NRXN3: variants seen among roughly 807,000 people sequenced by gnomAD.
The protein encoded by NRXN3 is neurexin 3.
Under a neutral mutation model 137.6 loss-of-function variants are expected in NRXN3, and 32 were observed. The observed-to-expected ratio is 0.23, with a 90% confidence interval of 0.18 to 0.31. The LOEUF (loss-of-function observed/expected upper bound fraction) is 0.31, where lower values mean the gene tolerates loss of function less well. NRXN3 is among the 10% of genes least tolerant of loss of function. The pLI is 1.00. For synonymous variants in NRXN3, 798 were observed against 784.5 expected (o/e 1.02, Z -0.29); for missense variants, 1,574 against 2,062.5 (o/e 0.76, Z 4.59).
chr14:79,227,927 C>T (rs1230877393), intron 15 of NRXN3, among the ~76,000 whole-genome samples: 2 of 151,298 alleles, frequency 1.3e-5, no homozygotes, highest in Admixed American at 6.6e-5. Context: ...TCACATGTGA[C>T]AGTTAAAAAG....
intron 16 of NRXN3, among the ~76,000 whole-genome samples, chr14:79,586,115 GC>G (rs1204999262): frequency 2.0e-5 from 3 of 152,138 alleles, no homozygotes; most frequent in African/African-American, 7.2e-5. Context: ...CAAATACTTG[GC>G]ATTCTTTGTA....
chr14:78,962,307 C>T (rs1471034711), intron 11 of NRXN3, among the ~76,000 whole-genome samples: 1 of 152,048 alleles, frequency 6.6e-6, no homozygotes, highest in Non-Finnish European at 1.5e-5. Context: ...GTGATAATGA[C>T]ATTTCATAGT....
At chr14:79,195,594 A>G (rs1367724589) in intron 15 of NRXN3, among the ~76,000 whole-genome samples, 1 of 152,194 alleles carries the variant, frequency 6.6e-6, no homozygotes, top group East Asian at 1.9e-4. Context: ...CTTAGGACTC[A>G]GTCTTTACTC....
intron 10 of NRXN3, among the ~76,000 whole-genome samples, chr14:78,903,693 T>C (rs74069208): frequency 0.022 from 3,334 of 152,172 alleles, 123 homozygotes; most frequent in African/African-American, 0.074. Context: ...TTATTGACTT[T>C]ACAGAAGAAG....
At chr14:79,649,307 A>G (rs1318693960) in intron 16 of NRXN3, among the ~76,000 whole-genome samples, 2 of 152,154 alleles carry the variant, frequency 1.3e-5, no homozygotes, top group Non-Finnish European at 2.9e-5. Context: ...TAAGTGCCTC[A>G]CAAATCACTG....
At chr14:78,665,053 T>C (rs1293646197) in intron 6 of NRXN3, among the ~76,000 whole-genome samples, 1 of 152,180 alleles carries the variant, frequency 6.6e-6, no homozygotes, top group East Asian at 1.9e-4. Context: ...GAGTGTGTGG[T>C]GAATGACAGC....
chr14:79,459,190 C>T (rs1306246283), intron 15 of NRXN3, among the ~76,000 whole-genome samples: 1 of 152,094 alleles, frequency 6.6e-6, no homozygotes, highest in African/African-American at 2.4e-5. Flanking sequence ...TAGCTTCCCT[C>T]ATCTTTAAAA....
At chr14:78,375,588 T>C (rs921462687) in intron 4 of NRXN3, among the ~76,000 whole-genome samples, 2 of 152,212 alleles carry the variant, frequency 1.3e-5, no homozygotes, top group African/African-American at 4.8e-5. Context: ...AATCCCTCCA[T>C]GCTCTAAGGG....
At chr14:79,656,832 C>G (rs116542089) in intron 16 of NRXN3, among the ~76,000 whole-genome samples, 22 of 152,162 alleles carry the variant, frequency 1.4e-4, no homozygotes, top group African/African-American at 5.1e-4. Flanking sequence ...GTGCAAAGTT[C>G]GCTGAGGCCT....
chr14:79,523,474 A>G (rs1452277922), intron 16 of NRXN3, among the ~76,000 whole-genome samples: 4 of 146,936 alleles, frequency 2.7e-5, no homozygotes, highest in South Asian at 2.6e-4. Context: ...GTAGTGATGG[A>G]AAAAAAATCT....
chr14:79,720,876 T>G (rs2098842100), intron 19 of NRXN3, among the ~76,000 whole-genome samples: 1 of 152,140 alleles, frequency 6.6e-6, no homozygotes. Context: ...AAGGTGGGAA[T>G]ATTTTTAATA....
chr14:79,689,350 G>A (rs1423197784), intron 17 of NRXN3, among the ~76,000 whole-genome samples: 4 of 152,086 alleles, frequency 2.6e-5, no homozygotes, highest in Non-Finnish European at 5.9e-5. Context: ...ACTAGCAAAT[G>A]AGGCATGGGG....
intron 10 of NRXN3, among the ~76,000 whole-genome samples, chr14:78,891,905 A>G (rs1282345189): frequency 1.3e-5 from 2 of 152,010 alleles, no homozygotes; most frequent in African/African-American, 4.8e-5. Context: ...TTTGTTGAGT[A>G]TCTACTGAAT....
chr14:79,693,020 C>A (rs1338313300), intron 18 of NRXN3, among the ~76,000 whole-genome samples: 1 of 152,028 alleles, frequency 6.6e-6, no homozygotes, highest in Non-Finnish European at 1.5e-5. Context: ...AAAGGCAAAA[C>A]AGCAGTCTCT....
intron 8 of NRXN3, among the ~76,000 whole-genome samples, chr14:78,769,751 G>C (rs768040817): frequency 1.7e-4 from 26 of 152,300 alleles, no homozygotes; most frequent in Admixed American, 2.6e-4. Flanking sequence ...ATCTAGAAAA[G>C]GGACATATTG....
intron 6 of NRXN3, among the ~76,000 whole-genome samples, chr14:78,670,196 T>C (rs1294938547): frequency 6.6e-6 from 1 of 152,192 alleles, no homozygotes; most frequent in Non-Finnish European, 1.5e-5. Flanking sequence ...GAACTCATCC[T>C]TTTTTATGGC....
chr14:78,177,390 A>C (rs2059378135), intron 1 of NRXN3, among the ~76,000 whole-genome samples: 2 of 150,994 alleles, frequency 1.3e-5, no homozygotes, highest in Non-Finnish European at 3.0e-5. Context: ...TTTTTTTTTC[A>C]GGGGTGGGGT....
At chr14:78,556,195 C>T (rs569716569) in intron 4 of NRXN3, among the ~76,000 whole-genome samples, 1 of 152,342 alleles carries the variant, frequency 6.6e-6, no homozygotes, top group African/African-American at 2.4e-5. Context: ...GCCTTCCCAG[C>T]TTCCCCCACC....
chr14:79,300,916 A>G (rs2085035870), intron 15 of NRXN3, among the ~76,000 whole-genome samples: 1 of 152,114 alleles, frequency 6.6e-6, no homozygotes, highest in Non-Finnish European at 1.5e-5. Flanking sequence ...AGACTTTGCC[A>G]GAGCAGGGAT....
Sources: gnomAD v4.1 joint callset for allele counts (sites outside exome capture counted in the v4.1 genomes callset) on GRCh38, gnomAD v4.1.1 for gene constraint, MANE v1.5 for transcripts, NCBI Gene and HGNC (gene_info 2026-07-23, HGNC 2026-07-21) for gene names.